The following SEZ6L variants were observed in gnomAD, a reference collection of about 807,000 sequenced individuals.
The protein encoded by SEZ6L is seizure related 6 homolog like, also known as seizure 6-like protein.
SEZ6L carries 37 observed loss-of-function variants against 106.2 expected under a neutral mutation model. The observed-to-expected ratio is 0.35, with a 90% CI of 0.27 to 0.46. The LOEUF (loss-of-function observed/expected upper bound fraction) is 0.46. SEZ6L is among the 20% of genes least tolerant of loss of function. SEZ6L has a pLI of 1.00. For synonymous variants in SEZ6L, 541 were observed against 570.4 expected (o/e 0.95, Z 0.73); for missense variants, 1,172 against 1,332.8 (o/e 0.88, Z 1.88).
intron 3 of SEZ6L, among the ~76,000 whole-genome samples, chr22:26,294,871 C>T (rs1045515840): frequency 9.6e-5 from 7 of 73,216 alleles, no homozygotes; most frequent in Non-Finnish European, 1.6e-4. Flanking sequence ...CTTTCTCTTT[C>T]TCTTTCTTTC....
chr22:26,282,341 C>CCCTA (rs1326013452), intron 1 of SEZ6L, among the ~76,000 whole-genome samples: 2 of 152,322 alleles, frequency 1.3e-5, no homozygotes, highest in Non-Finnish European at 2.9e-5. Context: ...CTTTGCAACA[C>CCCTA]CCTAGTACGT....
Position 26,189,091 on chromosome 22 carries a change from A to C in SEZ6L, c.94+19328A>C, listed in dbSNP as rs73417508. Among the ~76,000 whole-genome samples the C allele has an allele frequency of 8.1e-3, 1,238 of 152,334 alleles. 20 individuals carry two copies. Among genetic ancestry groups the C allele is most frequent in the African/African-American group, 0.027 (1,140 of 41,562 alleles). ...TATAAGTCATAGTTTATAAATGAGG[A>C]AACTGAGTCTGGGAAGGAACAGAAA... On this transcript the variant is annotated intron_variant, in intron 1 of 16. Coordinates refer to ENST00000248933, the MANE Select transcript of SEZ6L (RefSeq NM_021115.5).
At chr22:26,315,063 A>G (rs1432521602) in intron 9 of SEZ6L, among the ~76,000 whole-genome samples, 1 of 152,120 alleles carries the variant, frequency 6.6e-6, no homozygotes, top group Non-Finnish European at 1.5e-5. Context: ...GAGTGCTGAA[A>G]CCCAGCAGCC....
chr22:26,266,614 T>C (rs2080200204), intron 1 of SEZ6L, among the ~76,000 whole-genome samples: 1 of 134,286 alleles, frequency 7.4e-6, no homozygotes. Flanking sequence ...AATAAATAAA[T>C]AAATAGCAAC....
intron 1 of SEZ6L, among the ~76,000 whole-genome samples, chr22:26,249,107 C>A (rs1329813010): frequency 1.3e-5 from 2 of 152,164 alleles, no homozygotes; most frequent in African/African-American, 4.8e-5. Flanking sequence ...TACGTGTACA[C>A]AAATGATCAA....
chr22:26,369,870 G>A (rs533544636), intron 13 of SEZ6L, among the ~76,000 whole-genome samples: 3 of 152,144 alleles, frequency 2.0e-5, no homozygotes, highest in Admixed American at 6.5e-5. Flanking sequence ...GTCCACCTCA[G>A]CCTCCCAAAG....
At chr22:26,205,955 T>TTA (rs1389036579) in intron 1 of SEZ6L, among the ~76,000 whole-genome samples, 1 of 152,096 alleles carries the variant, frequency 6.6e-6, no homozygotes, top group African/African-American at 2.4e-5. Flanking sequence ...GGTGTCCAGT[T>TTA]TATGCTCTGG....
At chr22:26,379,183 G>A (rs774157229) in intron 16 of SEZ6L, among the ~76,000 whole-genome samples, 5 of 152,322 alleles carry the variant, frequency 3.3e-5, no homozygotes, top group South Asian at 2.1e-4. Context: ...GGGGCCACCC[G>A]CAGTTTCTTC....
intron 1 of SEZ6L, among the ~76,000 whole-genome samples, chr22:26,273,123 C>A (rs937009641): frequency 4.6e-5 from 7 of 152,226 alleles, no homozygotes; most frequent in African/African-American, 1.7e-4. Context: ...GGCATCTTTC[C>A]TTCTCCATCT....
At chr22:26,363,682 G>T (rs184242864) in intron 12 of SEZ6L, among the ~76,000 whole-genome samples, 44 of 152,288 alleles carry the variant, frequency 2.9e-4, no homozygotes, top group African/African-American at 9.9e-4. Flanking sequence ...GTTTCTGTGG[G>T]TCAGAAATCT....
chr22:26,240,094 A>ACACACACACACACT (rs2079076865), intron 1 of SEZ6L, among the ~76,000 whole-genome samples: 2 of 130,516 alleles, frequency 1.5e-5, no homozygotes, highest in African/African-American at 5.9e-5. Context: ...ACACACACTC[A>ACACACACACACACT]CACACACACA....
chr22:26,351,285 C>T (rs751406559), intron 12 of SEZ6L, 42 bp downstream of exon 12: 1 of 1,574,296 alleles, frequency 6.4e-7, no homozygotes, highest in Non-Finnish European at 8.7e-7. Context: ...TAGGTAGAAG[C>T]AGATTCACTT....
chr22:26,315,440 C>G (rs2081969586), intron 9 of SEZ6L, among the ~76,000 whole-genome samples: 1 of 152,058 alleles, frequency 6.6e-6, no homozygotes. Context: ...GATCATGCCA[C>G]TGCACTCCAG....
At chr22:26,335,547 A>G (rs565864166) in intron 9 of SEZ6L, among the ~76,000 whole-genome samples, 43 of 152,284 alleles carry the variant, frequency 2.8e-4, no homozygotes, top group African/African-American at 1.0e-3. Flanking sequence ...AGGATATTAA[A>G]TGTGTGAAAG....
At chr22:26,214,348 A>C (rs2078240706) in intron 1 of SEZ6L, among the ~76,000 whole-genome samples, 1 of 152,172 alleles carries the variant, frequency 6.6e-6, no homozygotes, top group Admixed American at 6.5e-5. Flanking sequence ...GATGCATGTG[A>C]AGTATTTCAT....
intron 1 of SEZ6L, among the ~76,000 whole-genome samples, chr22:26,187,836 A>G (rs1341102128): frequency 6.6e-6 from 1 of 152,202 alleles, no homozygotes; most frequent in Non-Finnish European, 1.5e-5. Flanking sequence ...CTGAACTATA[A>G]AAATGTGCTT....
chr22:26,225,660 C>A (rs1363700379), intron 1 of SEZ6L, among the ~76,000 whole-genome samples: 1 of 152,142 alleles, frequency 6.6e-6, no homozygotes, highest in African/African-American at 2.4e-5. Context: ...TTGTTGCCAT[C>A]CCAAGTGGTA....
Position 26,340,439 on chromosome 22 carries a change from G to A in SEZ6L, c.2019G>A (p.Leu673=). 2 of 1,610,866 alleles carry A rather than the reference G, an allele frequency of 1.2e-6. No individual in the cohort carries two copies. Among genetic ancestry groups the A allele is most frequent in the Non-Finnish European group, 1.7e-6 (2 of 1,178,498 alleles). The change falls in exon 10 of 17, where the codon CTG becomes CTA. Residue 673 remains leucine, a synonymous_variant. Coordinates refer to ENST00000248933, the MANE Select transcript of SEZ6L (RefSeq NM_021115.5). Reference sequence around the variant, plus strand: ...TCCCTCTTCTCTGCCCTCCAAGCCTGAATCTGAGCAACAGTGACATCTTGA... The same window carrying A: ...TCCCTCTTCTCTGCCCTCCAAGCCTAAATCTGAGCAACAGTGACATCTTGA... ...EKRIFLDIQF[L]NLSNSDILTI... is the part of the protein sequence containing the mutation.
chr22:26,197,451 A>G (rs1239666027), intron 1 of SEZ6L, among the ~76,000 whole-genome samples: 3 of 152,214 alleles, frequency 2.0e-5, no homozygotes, highest in African/African-American at 7.2e-5. Context: ...TGAGTAAGTA[A>G]CATTGTGCAT....
Sources: allele counts gnomAD v4.1 joint callset (sites outside exome capture counted in the v4.1 genomes callset), GRCh38; gene constraint gnomAD v4.1.1; transcripts MANE v1.5; gene names NCBI Gene and HGNC (gene_info 2026-07-23, HGNC 2026-07-21).